ALX4: variants seen among roughly 807,000 people sequenced by gnomAD.
ALX4 encodes homeobox protein aristaless-like 4.
In ALX4, 22 loss-of-function variants were observed where a neutral mutation model predicts 40.6. That is an observed-to-expected ratio of 0.54 (90% confidence interval 0.39 to 0.77). The LOEUF is 0.77. ALX4 is among the 30% of genes least tolerant of loss of function. ALX4 has a pLI of 0.00. For synonymous variants in ALX4, 266 were observed against 240.5 expected (o/e 1.11, Z -0.98); for missense variants, 556 against 564.8 (o/e 0.98, Z 0.16).
At chr11:44,294,598 C>T (rs1159553827) in intron 1 of ALX4, among the ~76,000 whole-genome samples, 1 of 152,184 alleles carries the variant, frequency 6.6e-6, no homozygotes, top group African/African-American at 2.4e-5. Context: ...GCCCCCGCCC[C>T]TCCCATCACT....
chr11:44,292,737 C>A (rs1051301672), intron 1 of ALX4, among the ~76,000 whole-genome samples: 1 of 152,080 alleles, frequency 6.6e-6, no homozygotes, highest in Non-Finnish European at 1.5e-5. Flanking sequence ...TTGCCTATCA[C>A]ATATAGTAAG....
At chr11:44,281,857 C>T (rs12574290) in intron 1 of ALX4, among the ~76,000 whole-genome samples, 44,959 of 152,100 alleles carry the variant, frequency 0.3, 8,294 homozygotes, top group South Asian at 0.51. Context: ...GCACGGGGCA[C>T]AGCTGTTTGC....
At chr11:44,276,207 A>G (rs1425973309) in intron 1 of ALX4, among the ~76,000 whole-genome samples, 1 of 152,214 alleles carries the variant, frequency 6.6e-6, no homozygotes, top group Non-Finnish European at 1.5e-5. Context: ...CTCTGCCCCA[A>G]GAGTCCAGTG....
intron 1 of ALX4, among the ~76,000 whole-genome samples, chr11:44,276,400 G>T (rs562373564): frequency 6.6e-6 from 1 of 152,210 alleles, no homozygotes; most frequent in Non-Finnish European, 1.5e-5. Context: ...TCCCCAGCAC[G>T]CTGACCCCGG....
In ALX4 at chr11:44,275,572, C is replaced by T. The variant is rs996306671; in HGVS notation, c.553G>A (p.Ala185Thr). The stretch of plus-strand genomic sequence containing the variant: ...CGGTCCTGGGGCCCCTTCACCCCAG[C>T]CTCCTTGACACTCAGGTAGCTGCTG... ...MDSSYLSVKE[A>T]GVKGPQDRAS... The change falls in exon 2 of 4, where the codon GCT becomes ACT. Residue 185 changes from alanine (A) to threonine (T), a missense_variant. Physicochemically the swap from Ala to Thr is moderately conservative, Grantham distance 58. Transcript: ENST00000652299. 3.7e-6 allele frequency: 6 copies of T among 1,614,016 alleles called. No individual in the cohort carries two copies. Among genetic ancestry groups the T allele is most frequent in the Non-Finnish European group, 5.1e-6 (6 of 1,180,022 alleles).
intron 1 of ALX4, among the ~76,000 whole-genome samples, chr11:44,286,562 G>C (rs1179818860): frequency 6.6e-6 from 1 of 152,100 alleles, no homozygotes; most frequent in Non-Finnish European, 1.5e-5. Context: ...GCCTAATGAG[G>C]TTTCTAGACG....
rs1956493891 is a variant in ALX4 at position 44,309,665 on chromosome 11, G to C, written c.398C>G (p.Pro133Arg). 2 of 1,591,552 alleles carry C rather than the reference G, an allele frequency of 1.3e-6. No individual in the cohort carries two copies. Among genetic ancestry groups the C allele is most frequent in the African/African-American group, 1.4e-5 (1 of 73,986 alleles). ...TTCCTGGAGTTTGAGGCTGCCGTCC[G>C]GGGGCGTCTTGCAGGCGCCTCGCTG... ...YLQRGACKTPPDGSLKLQEGS... is the reference protein window; with the variant it reads ...YLQRGACKTPRDGSLKLQEGS... The change falls in exon 1 of 4, where the codon CCG becomes CGG. Residue 133 changes from proline to arginine, a missense_variant. Pro to Arg is a moderately radical substitution (Grantham distance 103). Coordinates refer to ENST00000652299, the MANE Select transcript of ALX4 (RefSeq NM_021926.4).
intron 2 of ALX4, among the ~76,000 whole-genome samples, chr11:44,272,137 C>A (rs1346569373): frequency 2.0e-5 from 3 of 152,172 alleles, no homozygotes; most frequent in Non-Finnish European, 4.4e-5. Flanking sequence ...TGTGTGAGGG[C>A]TTCTGGATTC....
Position 44,264,044 on chromosome 11 carries a change from CCTT to C in ALX4, c.*807_*809del, listed in dbSNP as rs149719812. 0.1 allele frequency: 16,017 copies of C among 152,624 alleles called. 959 individuals carry two copies. The highest frequency in any genetic ancestry group is 0.15 in the African/African-American group (6,088 of 41,572). 9.5% of individuals were successfully genotyped at this position (152,624 alleles called of 1,614,324 possible). ...TGCCTCCCCCTCTCCCAGGACCTTT[CCTT>C]CTTCTAGCACCATGGGAGCCCTTGT... On this transcript the variant is annotated 3_prime_UTR_variant, in exon 4 of 4. Coordinates refer to ENST00000652299, the MANE Select transcript of ALX4 (RefSeq NM_021926.4).
Position 44,275,443 on chromosome 11 carries a change from C to G in ALX4, c.682G>C (p.Glu228Gln). 4.3e-6 allele frequency: 7 copies of G among 1,614,178 alleles called. No individual in the cohort carries two copies. The highest frequency in any genetic ancestry group is 5.9e-6 in the Non-Finnish European group (7 of 1,180,000). ...RTTFTSYQLE[E>Q]LEKVFQKTHY... ...GTCTTCTGGAAGACCTTCTCCAGCT[C>G]CTCCAGCTGGTAGCTGGTGAAGGTG... Residue 228 changes from glutamate (E) to glutamine (Q), a missense_variant, in exon 2 of 4, where the codon GAG becomes CAG. Physicochemically the swap from Glu to Gln is conservative, Grantham distance 29. Transcript: ENST00000652299.
intron 1 of ALX4, among the ~76,000 whole-genome samples, chr11:44,286,549 A>G (rs1956339757): frequency 6.6e-6 from 1 of 152,148 alleles, no homozygotes. Context: ...CTGGGGCCCC[A>G]GTGCCTAATG....
intron 1 of ALX4, among the ~76,000 whole-genome samples, chr11:44,288,574 T>C (rs1254861751): frequency 6.6e-6 from 1 of 152,128 alleles, no homozygotes; most frequent in African/African-American, 2.4e-5. Context: ...TTCATAATTC[T>C]ACAAGGGGCC....
At chr11:44,274,227 T>G (rs771592738) in intron 2 of ALX4, among the ~76,000 whole-genome samples, 9 of 151,892 alleles carry the variant, frequency 5.9e-5, no homozygotes, top group Non-Finnish European at 1.3e-4. Flanking sequence ...GCTTCTGTTG[T>G]GTTGGGTTGG....
Position 44,272,349 on chromosome 11 carries a change from CA to C in ALX4, c.777+2998del, listed in dbSNP as rs1301967871. Among the ~76,000 whole-genome samples the C allele has an allele frequency of 1.3e-3, 202 of 151,902 alleles. 1 individual carries two copies. The highest frequency in any genetic ancestry group is 4.6e-3 in the African/African-American group (192 of 41,412). On this transcript the variant is annotated intron_variant, in intron 2 of 3. Coordinates refer to ENST00000652299, the MANE Select transcript of ALX4 (RefSeq NM_021926.4). ...TGAAACCCCATCTCTATTAAATATA[CA>C]AAAATTAGCCGGGTGTGGTGGTGCA...
At chr11:44,270,400 C>T (rs1426238651) in intron 2 of ALX4, among the ~76,000 whole-genome samples, 1 of 152,060 alleles carries the variant, frequency 6.6e-6, no homozygotes, top group Non-Finnish European at 1.5e-5. Flanking sequence ...TCCTTCTTCT[C>T]CTGTTCCTTT....
chr11:44,287,990 G>C (rs544369238), intron 1 of ALX4, among the ~76,000 whole-genome samples: 2 of 152,160 alleles, frequency 1.3e-5, no homozygotes, highest in African/African-American at 4.8e-5. Flanking sequence ...TTGTTTGTTT[G>C]TTTTTAGACA....
At chr11:44,279,129 C>T (rs1956294541) in intron 1 of ALX4, among the ~76,000 whole-genome samples, 1 of 152,184 alleles carries the variant, frequency 6.6e-6, no homozygotes, top group Admixed American at 6.5e-5. Flanking sequence ...CCACCTGGCG[C>T]TGGTTCCAGT....
At chr11:44,282,009 G>A (rs774550565) in intron 1 of ALX4, among the ~76,000 whole-genome samples, 60 of 152,168 alleles carry the variant, frequency 3.9e-4, no homozygotes, top group Non-Finnish European at 7.1e-4. Context: ...AAATGCTCTC[G>A]AAATAAGGAA....
In ALX4 at chr11:44,285,058, C is replaced by T. The variant is rs562040576; in HGVS notation, c.467-9400G>A. Among the ~76,000 whole-genome samples, 6 of 152,188 alleles carry T rather than the reference C, an allele frequency of 3.9e-5. No homozygotes were observed. In the South Asian group the frequency reaches 6.2e-4, roughly 16 times the overall value. On this transcript the variant is annotated intron_variant, in intron 1 of 3. Coordinates refer to ENST00000652299, the MANE Select transcript of ALX4 (RefSeq NM_021926.4). ...TGGCTCAGTGCAACCTCCGCCTCCC[C>T]GGTTCAAGCTATTCTCCTGCCGCAG...
Sources: gnomAD v4.1 joint callset for allele counts (sites outside exome capture counted in the v4.1 genomes callset) on GRCh38, gnomAD v4.1.1 for gene constraint, MANE v1.5 for transcripts, NCBI Gene and HGNC (gene_info 2026-07-23, HGNC 2026-07-21) for gene names.